Variants in GABRA3 observed in about 807,000 individuals in gnomAD.
GABRA3 encodes gamma-aminobutyric acid type A receptor subunit alpha3.
GABRA3 carries 10 observed loss-of-function variants against 30.1 expected under a neutral mutation model. The ratio of observed to expected loss-of-function variants is 0.33; its 90% CI spans 0.20 to 0.56. GABRA3 has a LOEUF of 0.56. Ranked by LOEUF, GABRA3 falls within the 20% of genes least tolerant of loss-of-function variation. The probability of loss-of-function intolerance (pLI) is 0.89; values close to 1 mark genes in which losing one functional copy is unlikely to be tolerated. For missense variants in GABRA3, 233 were observed against 392.0 expected (o/e 0.59, Z 3.42); for synonymous variants, 151 against 146.8 (o/e 1.03, Z -0.21).
chrX:152,210,874 A>C (rs1487032237), intron 6 of GABRA3, among the ~76,000 whole-genome samples: 3 of 111,435 alleles, frequency 2.7e-5, no homozygotes, highest in Middle Eastern at 4.7e-3. Flanking sequence ...TATTATCACC[A>C]AGAAGAAAGG....
At chrX:152,277,381 C>T (rs1939106613) in intron 4 of GABRA3, among the ~76,000 whole-genome samples, 1 of 110,941 alleles carries the variant, frequency 9.0e-6, no homozygotes, top group African/African-American at 3.3e-5. Flanking sequence ...ACTATAATGT[C>T]TTTTTCTGTG....
intron 1 of GABRA3, among the ~76,000 whole-genome samples, chrX:152,383,766 G>A (rs183163383): frequency 7.5e-4 from 82 of 108,804 alleles, no homozygotes; most frequent in African/African-American, 2.6e-3. Context: ...ACAGCGAAAA[G>A]TTAAAAGTTT....
At position 152,168,060 on chromosome X, in the gene GABRA3, C is replaced by T; in HGVS notation, c.*168G>A. 2.2e-6 allele frequency: 1 copy of T among 451,151 alleles called. No homozygotes were observed. Among genetic ancestry groups the T allele is most frequent in the Admixed American group, 3.9e-5 (1 of 25,576 alleles). The allele number at this position is 451,151 out of a possible 1,213,427, so 37.2% of individuals were successfully genotyped here. A position where few individuals can be genotyped will look rare whatever the true frequency, so the allele number is the denominator to read the frequency against. ...AATATTGGAGGGACAAGTAATTTTT[C>T]TGTAGTTATTTTTTGCGTAGAGATT... On this transcript the variant is annotated 3_prime_UTR_variant, in exon 10 of 10. Transcript: ENST00000370314.
At chrX:152,311,811 T>G (rs1280575050) in intron 3 of GABRA3, among the ~76,000 whole-genome samples, 2 of 105,408 alleles carry the variant, frequency 1.9e-5, no homozygotes, top group Non-Finnish European at 3.9e-5. Context: ...AACACCATAG[T>G]TTTGGGCCAC....
intron 4 of GABRA3, among the ~76,000 whole-genome samples, chrX:152,280,810 A>G (rs1311047391): frequency 2.7e-5 from 3 of 111,050 alleles, no homozygotes; most frequent in Admixed American, 1.9e-4. Flanking sequence ...GATCTAAGCA[A>G]AGTATTCCTG....
Position 152,274,100 on chromosome X carries a change from T to TA in GABRA3, c.330+10567dup, listed in dbSNP as rs1307687345. ...GGCATATTAAAAATCCTCTTTGAGA[T>TA]AAAATATCATTACACTAACAGATGG... On this transcript the variant is annotated intron_variant, in intron 4 of 9. Transcript: ENST00000370314. Among the ~76,000 whole-genome samples, 5 of 111,404 alleles carry TA rather than the reference T, an allele frequency of 4.5e-5. No individual in the cohort carries two copies. In the South Asian group the frequency reaches 1.5e-3, roughly 33 times the overall value.
chrX:152,192,330 G>A (rs887209315), intron 8 of GABRA3, among the ~76,000 whole-genome samples: 8 of 111,678 alleles, frequency 7.2e-5, no homozygotes, highest in Non-Finnish European at 1.3e-4. Context: ...AAAGGCTTAG[G>A]TAGAACTGAC....
chrX:152,360,166 C>A (rs1007478560), intron 2 of GABRA3, among the ~76,000 whole-genome samples: 1 of 84,503 alleles, frequency 1.2e-5, no homozygotes, highest in Non-Finnish European at 2.3e-5. Flanking sequence ...ATTTATAGTC[C>A]TTTGGGTATA....
intron 5 of GABRA3, among the ~76,000 whole-genome samples, chrX:152,235,907 T>C (rs1369520621): frequency 9.2e-6 from 1 of 108,195 alleles, no homozygotes; most frequent in African/African-American, 3.3e-5. Context: ...AAAGCAATCT[T>C]AAGCAAAAAT....
At chrX:152,370,738 C>T (rs762268579) in intron 1 of GABRA3, among the ~76,000 whole-genome samples, 28 of 111,331 alleles carry the variant, frequency 2.5e-4, no homozygotes, top group Non-Finnish European at 4.9e-4. Flanking sequence ...CCTTCCATGG[C>T]CATATCCTAA....
At chrX:152,362,410 G>C (rs1928534488) in intron 2 of GABRA3, among the ~76,000 whole-genome samples, 1 of 111,438 alleles carries the variant, frequency 9.0e-6, no homozygotes, top group African/African-American at 3.3e-5. Context: ...AACACAGTTT[G>C]GTGGCAGAAA....
intron 6 of GABRA3, among the ~76,000 whole-genome samples, chrX:152,214,532 T>G (rs1423130489): frequency 9.0e-6 from 1 of 111,344 alleles, no homozygotes; most frequent in Non-Finnish European, 1.9e-5. Context: ...CTTTAATCCT[T>G]TTGCTCAGTA....
chrX:152,214,508 T>A (rs1229922685), intron 6 of GABRA3, among the ~76,000 whole-genome samples: 1 of 111,333 alleles, frequency 9.0e-6, no homozygotes, highest in Admixed American at 9.6e-5. Flanking sequence ...AGTCAGGTAG[T>A]GTGATGTCCC....
chrX:152,279,887 C>T (rs113750437), intron 4 of GABRA3, among the ~76,000 whole-genome samples: 24,494 of 109,958 alleles, frequency 0.22, 2,724 homozygotes, highest in African/African-American at 0.43. Flanking sequence ...TGAATGGGAG[C>T]TCACTCATGA....
chrX:152,292,227 T>C (rs1279671354), intron 3 of GABRA3, among the ~76,000 whole-genome samples: 1 of 111,896 alleles, frequency 8.9e-6, no homozygotes, highest in Non-Finnish European at 1.9e-5. Flanking sequence ...ATTCAACTTG[T>C]TCCTGGTTTA....
chrX:152,298,476 T>C (rs1398249484), intron 3 of GABRA3, among the ~76,000 whole-genome samples: 5 of 108,394 alleles, frequency 4.6e-5, no homozygotes, highest in Non-Finnish European at 9.5e-5. Flanking sequence ...CATGCGGTGT[T>C]TGGTTTTTTG....
intron 3 of GABRA3, among the ~76,000 whole-genome samples, chrX:152,318,946 C>T (rs1404362624): frequency 9.0e-6 from 1 of 111,284 alleles, no homozygotes; most frequent in African/African-American, 3.3e-5. Context: ...GATGCCCATT[C>T]TCACCACTTC....
In GABRA3 at chrX:152,364,666, A is replaced by C. The variant is rs375411164; in HGVS notation, c.-26-70T>G. The stretch of plus-strand genomic sequence containing the variant: ...GAAAACAAAGGGAGAGAGGAGAAAG[A>C]GGTAAAAAAGAGAGAAAGAGATGTT... On this transcript the variant is annotated intron_variant, in intron 1 of 9. Coordinates refer to ENST00000370314, the MANE Select transcript of GABRA3 (RefSeq NM_000808.4). 28 of 803,190 alleles carry C rather than the reference A, an allele frequency of 3.5e-5. 2 individuals carry two copies. Among genetic ancestry groups the C allele is most frequent in the African/African-American group, 1.2e-4 (6 of 48,109 alleles). 66.2% of individuals were successfully genotyped at this position (803,190 alleles called of 1,213,427 possible). A position where few individuals can be genotyped will look rare whatever the true frequency, so the allele number is the denominator to read the frequency against.
intron 1 of GABRA3, among the ~76,000 whole-genome samples, chrX:152,386,223 G>A (rs1929306153): frequency 9.2e-6 from 1 of 108,791 alleles, no homozygotes; most frequent in Non-Finnish European, 1.9e-5. Context: ...TCCTACCCAT[G>A]AGCATGGAAT....
Sources: gnomAD v4.1 joint callset for allele counts (sites outside exome capture counted in the v4.1 genomes callset) on GRCh38, gnomAD v4.1.1 for gene constraint, MANE v1.5 for transcripts, NCBI Gene and HGNC (gene_info 2026-07-23, HGNC 2026-07-21) for gene names.